The following NELL1 variants were observed in gnomAD, a reference collection of about 807,000 sequenced individuals.
NELL1 encodes the protein protein kinase C-binding protein NELL1.
A neutral mutation model predicts 107.4 loss-of-function variants in NELL1; 76 were observed. The observed-to-expected ratio is 0.71, with a 90% CI of 0.59 to 0.86. The LOEUF (loss-of-function observed/expected upper bound fraction) is 0.86. Among genes scored for constraint, NELL1 ranks in the 40% least tolerant of loss-of-function variants. The pLI, the probability that NELL1 is intolerant of heterozygous loss-of-function variation, is 0.00. For missense variants in NELL1, 1,024 were observed against 1,005.5 expected (o/e 1.02, Z -0.25); for synonymous variants, 353 against 341.2 (o/e 1.03, Z -0.38).
intron 14 of NELL1, among the ~76,000 whole-genome samples, chr11:21,261,237 T>C (rs1380217353): frequency 6.6e-6 from 1 of 151,260 alleles, no homozygotes; most frequent in Non-Finnish European, 1.5e-5. Flanking sequence ...CAAGTGCAGG[T>C]TTGTTGCATA....
intron 13 of NELL1, among the ~76,000 whole-genome samples, chr11:21,138,959 A>G (rs1014478036): frequency 5.9e-5 from 9 of 152,196 alleles, no homozygotes; most frequent in African/African-American, 2.2e-4. Context: ...AATTCAACTA[A>G]TGAAGATGGA....
intron 14 of NELL1, among the ~76,000 whole-genome samples, chr11:21,277,181 T>A (rs1045820284): frequency 6.6e-6 from 1 of 151,814 alleles, no homozygotes; most frequent in Non-Finnish European, 1.5e-5. Flanking sequence ...GAATCTACAA[T>A]GAACTCAAAC....
intron 15 of NELL1, among the ~76,000 whole-genome samples, chr11:21,470,633 A>T (rs543360677): frequency 6.6e-6 from 1 of 152,218 alleles, no homozygotes; most frequent in South Asian, 2.1e-4. Context: ...ACCACATTGC[A>T]CTGACATTCA....
Position 21,147,761 on chromosome 11 carries a change from G to C in NELL1, c.1426+34047G>C, listed in dbSNP as rs543805589. Among the ~76,000 whole-genome samples the C allele has an allele frequency of 8.8e-4, 131 of 148,338 alleles. 2 individuals carry two copies. Among genetic ancestry groups the C allele is most frequent in the Non-Finnish European group, 1.3e-3 (86 of 67,552 alleles). On this transcript the variant is annotated intron_variant, in intron 13 of 19. Coordinates refer to ENST00000357134, the MANE Select transcript of NELL1 (RefSeq NM_006157.5). ...TGAGGCAGGAGAATTGCTTGAACCC[G>C]GGAGGTGGAGGTTGTGGTGAGCTGA...
chr11:21,477,269 C>A (rs191716339), intron 15 of NELL1, among the ~76,000 whole-genome samples: 4 of 152,218 alleles, frequency 2.6e-5, no homozygotes, highest in African/African-American at 9.6e-5. Flanking sequence ...CTGGTTCAGC[C>A]ACAGTAAGAT....
At chr11:20,947,533 C>A in intron 11 of NELL1, 98 bp downstream of exon 11, 4 of 857,058 alleles carry the variant, frequency 4.7e-6, no homozygotes, top group Non-Finnish European at 6.0e-6. Flanking sequence ...AACATGGGTC[C>A]AAAACTCTGT....
intron 13 of NELL1, among the ~76,000 whole-genome samples, chr11:21,218,650 A>G (rs190903306): frequency 8.5e-5 from 13 of 152,140 alleles, no homozygotes; most frequent in Admixed American, 7.2e-4. Context: ...TCTATCTACT[A>G]TCTTTTCCAG....
rs117039015 is a variant in NELL1, at chr11:21,000,312, G to A, written c.1300+39752G>A. Among the ~76,000 whole-genome samples, 49 of 152,180 alleles carry A rather than the reference G, an allele frequency of 3.2e-4. 2 individuals carry two copies. The East Asian group carries it at 8.1e-3, about 25-fold the overall frequency. ...CCAGTTTACTGTGTCAGAGGGTGGT[G>A]AGATTCAAGATCATTATAAAGTGTT... On this transcript the variant is annotated intron_variant, in intron 12 of 19. Transcript: ENST00000357134.
rs77368239 is a variant in NELL1, at chr11:20,991,112, T to C, written c.1300+30552T>C. On this transcript the variant is annotated intron_variant, in intron 12 of 19. Transcript: ENST00000357134. ...AAGGAAGTATTCAGACACCATGATC[T>C]GATGAGAGCCTAGAGCCATGTGCCA... is the stretch of plus-strand genomic sequence containing the variant. Among the ~76,000 whole-genome samples, 846 of 152,334 alleles carry C rather than the reference T, an allele frequency of 5.6e-3. 11 individuals carry two copies. The highest frequency in any genetic ancestry group is 0.019 in the African/African-American group (802 of 41,570).
intron 13 of NELL1, among the ~76,000 whole-genome samples, chr11:21,129,085 C>G (rs960559152): frequency 6.6e-6 from 1 of 152,138 alleles, no homozygotes; most frequent in South Asian, 2.1e-4. Flanking sequence ...CCTCTTGACT[C>G]TATTCTTTGG....
intron 15 of NELL1, among the ~76,000 whole-genome samples, chr11:21,418,621 TA>T (rs1440480987): frequency 6.6e-6 from 1 of 152,112 alleles, no homozygotes; most frequent in Non-Finnish European, 1.5e-5. Flanking sequence ...TTCAGGTCTC[TA>T]AACCACCACT....
At chr11:20,676,815 T>G (rs930642685) in intron 1 of NELL1, among the ~76,000 whole-genome samples, 1 of 152,170 alleles carries the variant, frequency 6.6e-6, no homozygotes, top group Non-Finnish European at 1.5e-5. Flanking sequence ...TGCATTACCA[T>G]CAGATGAGAG....
chr11:21,416,146 T>A (rs7943922), intron 15 of NELL1, among the ~76,000 whole-genome samples: 1 of 151,914 alleles, frequency 6.6e-6, no homozygotes, highest in Admixed American at 6.6e-5. Flanking sequence ...TTGATGATTC[T>A]GTGCTGAGAG....
intron 11 of NELL1, among the ~76,000 whole-genome samples, chr11:20,958,910 GTTCCAGACTATGGCCATT>G (rs1015068710): frequency 1.1e-4 from 17 of 152,132 alleles, no homozygotes; most frequent in Admixed American, 9.2e-4. Flanking sequence ...TGTGGGTTCG[GTTCCAGACTATGGCCATT>G]AAGCGAATAT....
intron 13 of NELL1, among the ~76,000 whole-genome samples, chr11:21,211,277 G>A (rs758215719): frequency 5.3e-5 from 8 of 152,042 alleles, no homozygotes; most frequent in Non-Finnish European, 7.4e-5. Context: ...CGGATATTAC[G>A]TAGGATGAAG....
At chr11:21,542,825 T>C (rs1457433751) in intron 16 of NELL1, among the ~76,000 whole-genome samples, 2 of 152,074 alleles carry the variant, frequency 1.3e-5, no homozygotes, top group African/African-American at 4.8e-5. Context: ...TCAAGAGTTA[T>C]TTAAAATACA....
chr11:20,896,268 A>G (rs1305063186), intron 5 of NELL1, among the ~76,000 whole-genome samples: 1 of 152,220 alleles, frequency 6.6e-6, no homozygotes, highest in Non-Finnish European at 1.5e-5. Flanking sequence ...CTTCACTTAG[A>G]ATAATGGTCT....
At chr11:21,252,885 C>T (rs1268009123) in intron 14 of NELL1, among the ~76,000 whole-genome samples, 3 of 152,122 alleles carry the variant, frequency 2.0e-5, no homozygotes, top group Non-Finnish European at 4.4e-5. Context: ...ATTCTGTGGC[C>T]TCTCAGCACC....
At chr11:21,510,999 A>G (rs1855422158) in intron 15 of NELL1, among the ~76,000 whole-genome samples, 1 of 152,320 alleles carries the variant, frequency 6.6e-6, no homozygotes, top group Admixed American at 6.5e-5. Context: ...GATTTTGGTC[A>G]GGTTCAAACT....
Sources: allele counts gnomAD v4.1 joint callset (sites outside exome capture counted in the v4.1 genomes callset), GRCh38; gene constraint gnomAD v4.1.1; transcripts MANE v1.5; gene names NCBI Gene and HGNC (gene_info 2026-07-23, HGNC 2026-07-21).